The following RAPGEF5 variants were observed in gnomAD, a reference collection of about 807,000 sequenced individuals.
The protein encoded by RAPGEF5 is M-Ras-regulated GEF.
In RAPGEF5, 65 loss-of-function variants were observed where a neutral mutation model predicts 125.2. The observed-to-expected ratio is 0.52, with a 90% CI of 0.43 to 0.64. The LOEUF is 0.64. Ranked by LOEUF, RAPGEF5 falls within the 30% of genes least tolerant of loss-of-function variation. The pLI is 0.00. For synonymous variants in RAPGEF5, 391 were observed against 385.9 expected, an observed-to-expected ratio of 1.01 and a Z score of -0.16; for missense variants, 958 against 1,048.1, an observed-to-expected ratio of 0.91 and a Z score of 1.19.
chr7:22,167,032 G>A, intron 12 of RAPGEF5, 38 bp downstream of exon 12: 1 of 1,522,616 alleles, frequency 6.6e-7, no homozygotes, highest in Non-Finnish European at 9.1e-7. Flanking sequence ...CTGTCTGAGA[G>A]GAAGTGGACA....
intron 18 of RAPGEF5, among the ~76,000 whole-genome samples, chr7:22,149,952 TTTGATTTG>T (rs1783567365): frequency 1.1e-5 from 1 of 89,446 alleles, no homozygotes; most frequent in Admixed American, 1.2e-4. Context: ...TTTTTGATTT[TTTGATTTG>T]TAAAAGTACT....
At chr7:22,154,126 G>A (rs1783722195) in intron 17 of RAPGEF5, among the ~76,000 whole-genome samples, 1 of 151,810 alleles carries the variant, frequency 6.6e-6, no homozygotes, top group South Asian at 2.1e-4. Flanking sequence ...CCACCCCAAA[G>A]TAATTTCACT....
intron 11 of RAPGEF5, among the ~76,000 whole-genome samples, chr7:22,170,424 AAACCATTGGGTG>A (rs751950330): frequency 5.3e-5 from 8 of 152,212 alleles, no homozygotes; most frequent in Non-Finnish European, 1.0e-4. Context: ...CAGTGCGCAG[AAACCATTGGGTG>A]ACAGCACTGA....
intron 24 of RAPGEF5, 69 bp from the exon 25 acceptor site, chr7:22,125,727 G>C (rs1227022482): frequency 7.8e-6 from 11 of 1,404,298 alleles, no homozygotes; most frequent in Non-Finnish European, 1.1e-5. Context: ...AGCAGTGCCT[G>C]CTAGGATGGA....
intron 14 of RAPGEF5, among the ~76,000 whole-genome samples, chr7:22,158,350 G>C (rs150407595): frequency 2.6e-5 from 4 of 152,290 alleles, no homozygotes; most frequent in African/African-American, 9.6e-5. Flanking sequence ...GTGGAACTGG[G>C]AACACTCTGC....
At chr7:22,255,966 G>A (rs1786749384) in intron 7 of RAPGEF5, among the ~76,000 whole-genome samples, 1 of 152,228 alleles carries the variant, frequency 6.6e-6, no homozygotes, top group South Asian at 2.1e-4. Context: ...TCTAGCCTGT[G>A]TGAGTCTCAG....
intron 9 of RAPGEF5, among the ~76,000 whole-genome samples, chr7:22,202,578 T>C (rs539081542): frequency 6.6e-6 from 1 of 152,310 alleles, no homozygotes; most frequent in East Asian, 1.9e-4. Context: ...TAGATAAATC[T>C]AATTTGTTTA....
At chr7:22,247,321 G>A (rs2128137439) in intron 7 of RAPGEF5, among the ~76,000 whole-genome samples, 1 of 152,240 alleles carries the variant, frequency 6.6e-6, no homozygotes, top group Middle Eastern at 3.4e-3. Flanking sequence ...AAGACATGGT[G>A]ATGCGGTTTT....
intron 23 of RAPGEF5, among the ~76,000 whole-genome samples, chr7:22,132,302 A>G (rs1782936409): frequency 6.6e-6 from 1 of 151,952 alleles, no homozygotes; most frequent in Non-Finnish European, 1.5e-5. Context: ...CACTGATGCA[A>G]CCCTTTCCTC....
In RAPGEF5 at chr7:22,357,079, C is replaced by A. The variant is rs1784436980; in HGVS notation, c.-19G>T. The A allele has an allele frequency of 9.7e-7, 1 of 1,030,730 alleles. No homozygotes were observed. The highest frequency in any genetic ancestry group is 1.2e-6 in the Non-Finnish European group (1 of 859,754). The allele number at this position is 1,030,730 out of a possible 1,614,324, so 63.8% of individuals were successfully genotyped here. ...TCCTCATGCCCTGACGGCGCTGCGG[C>A]GCCGGGGGCTCCTCTCCACCGCGCT... On this transcript the variant is annotated 5_prime_UTR_variant, in exon 1 of 26. Transcript: ENST00000665637.
intron 1 of RAPGEF5, among the ~76,000 whole-genome samples, chr7:22,344,849 A>G (rs1049740697): frequency 6.6e-6 from 1 of 152,214 alleles, no homozygotes; most frequent in Admixed American, 6.5e-5. Context: ...TTATAGTCAG[A>G]GTCCTCTATT....
At chr7:22,135,054 C>G (rs1783037450) in intron 23 of RAPGEF5, among the ~76,000 whole-genome samples, 1 of 152,130 alleles carries the variant, frequency 6.6e-6, no homozygotes, top group African/African-American at 2.4e-5. Flanking sequence ...TTGAGAGAAG[C>G]TGAAGAGAAA....
At chr7:22,271,101 G>A (rs1782405437) in intron 6 of RAPGEF5, among the ~76,000 whole-genome samples, 1 of 152,096 alleles carries the variant, frequency 6.6e-6, no homozygotes, top group South Asian at 2.1e-4. Flanking sequence ...ACTGGGAAAT[G>A]CTTTCTTTAA....
Position 22,171,659 on chromosome 7 carries a change from C to T in RAPGEF5, c.1205-4511G>A, listed in dbSNP as rs535666797. Among the ~76,000 whole-genome samples, 34 of 152,224 alleles carry T rather than the reference C, an allele frequency of 2.2e-4. No individual in the cohort carries two copies. In the South Asian group the frequency reaches 6.7e-3, roughly 30 times the overall value. Reference sequence around the variant, plus strand: ...GACTACAGGTGTGCGCTACCACGCCCGGCTAATTTTTGTATTTTTAGTAGA... The same window carrying T: ...GACTACAGGTGTGCGCTACCACGCCTGGCTAATTTTTGTATTTTTAGTAGA... On this transcript the variant is annotated intron_variant, in intron 11 of 25. Coordinates refer to ENST00000665637, the MANE Select transcript of RAPGEF5 (RefSeq NM_012294.5).
At chr7:22,196,102 A>G (rs2128126897) in intron 9 of RAPGEF5, among the ~76,000 whole-genome samples, 1 of 152,338 alleles carries the variant, frequency 6.6e-6, no homozygotes, top group Non-Finnish European at 1.5e-5. Flanking sequence ...CATCTATGTC[A>G]TTGTGATAGT....
At chr7:22,124,430 G>T (rs561887467) in intron 25 of RAPGEF5, among the ~76,000 whole-genome samples, 4 of 152,192 alleles carry the variant, frequency 2.6e-5, no homozygotes, top group South Asian at 4.1e-4. Context: ...GGTACTAATT[G>T]ATGTGAATAT....
chr7:22,293,755 G>T (rs551982365), intron 5 of RAPGEF5, among the ~76,000 whole-genome samples: 2 of 152,218 alleles, frequency 1.3e-5, no homozygotes, highest in South Asian at 4.2e-4. Context: ...ATGAAGGCAG[G>T]ACTGGTAGCA....
chr7:22,156,745 A>G (rs1464568550), intron 16 of RAPGEF5, 65 bp downstream of exon 16: 2 of 1,607,410 alleles, frequency 1.2e-6, no homozygotes, highest in Non-Finnish European at 1.7e-6. Flanking sequence ...TGATATGCCA[A>G]TGTAGGAGAA....
At chr7:22,135,017 C>T (rs750247483) in intron 23 of RAPGEF5, among the ~76,000 whole-genome samples, 4 of 152,170 alleles carry the variant, frequency 2.6e-5, no homozygotes, top group Non-Finnish European at 5.9e-5. Flanking sequence ...CGGCAACTCA[C>T]AATAATTTTC....
Sources: allele counts gnomAD v4.1 joint callset (sites outside exome capture counted in the v4.1 genomes callset), GRCh38; gene constraint gnomAD v4.1.1; transcripts MANE v1.5; gene names NCBI Gene and HGNC (gene_info 2026-07-23, HGNC 2026-07-21).